DMD: variants seen among roughly 807,000 people sequenced by gnomAD.
DMD encodes the protein dystrophin, also known as mutant dystrophin.
A neutral mutation model predicts 330.1 loss-of-function variants in DMD; 63 were observed. That is an observed-to-expected ratio of 0.19 (90% confidence interval 0.16 to 0.24). DMD has a LOEUF of 0.24. Ranked by LOEUF, DMD falls within the 10% of genes least tolerant of loss-of-function variation. The pLI is 1.00. For missense variants in DMD, 3,344 were observed against 2,684.1 expected (o/e 1.25, Z -5.43); for synonymous variants, 1,223 against 959.8 (o/e 1.27, Z -5.07).
rs148676378 is a variant in DMD, at chrX:32,050,238, T to G, written c.6439-81724A>C. ...TTCAAATTTGAGCATGGATTATGTT[T>G]TTTTTCTGCCTATATCAAATAGTAT... On this transcript the variant is annotated intron_variant, in intron 44 of 78. Transcript: ENST00000357033. Among the ~76,000 whole-genome samples the G allele has an allele frequency of 8.8e-3, 976 of 111,199 alleles. 10 individuals carry two copies. Among genetic ancestry groups the G allele is most frequent in the African/African-American group, 0.027 (837 of 30,654 alleles).
intron 44 of DMD, among the ~76,000 whole-genome samples, chrX:32,152,742 G>A (rs1392020625): frequency 9.0e-6 from 1 of 111,703 alleles, no homozygotes; most frequent in Non-Finnish European, 1.9e-5. Flanking sequence ...CAAGGGAAAA[G>A]AAAATAGTTT....
intron 59 of DMD, among the ~76,000 whole-genome samples, chrX:31,459,389 G>T (rs1356310010): frequency 8.9e-6 from 1 of 112,161 alleles, no homozygotes; most frequent in East Asian, 2.8e-4. Context: ...TCAATGTATT[G>T]CCAAAGACTC....
chrX:31,828,316 G>A (rs2092934778), intron 49 of DMD, among the ~76,000 whole-genome samples: 1 of 111,385 alleles, frequency 9.0e-6, no homozygotes, highest in African/African-American at 3.3e-5. Context: ...AGAGGAAATG[G>A]ATACATTCCT....
intron 41 of DMD, among the ~76,000 whole-genome samples, chrX:32,337,877 G>A (rs955913710): frequency 1.8e-5 from 2 of 111,061 alleles, no homozygotes; most frequent in Admixed American, 9.6e-5. Context: ...TTTAATAAAT[G>A]TTCTTATTTA....
chrX:31,451,672 G>A (rs1192509512), intron 59 of DMD, among the ~76,000 whole-genome samples: 1 of 110,895 alleles, frequency 9.0e-6, no homozygotes, highest in Non-Finnish European at 1.9e-5. Flanking sequence ...ACCCTTTCTC[G>A]AAAGTTGAGT....
intron 44 of DMD, among the ~76,000 whole-genome samples, chrX:32,066,330 A>G (rs1317784613): frequency 9.0e-6 from 1 of 111,578 alleles, no homozygotes; most frequent in African/African-American, 3.3e-5. Flanking sequence ...GACTGGAAGA[A>G]AGAGCAGAAG....
At chrX:31,576,276 T>G (rs1380739512) in intron 55 of DMD, among the ~76,000 whole-genome samples, 1 of 111,931 alleles carries the variant, frequency 8.9e-6, no homozygotes, top group African/African-American at 3.2e-5. Context: ...CTAAGTCTTA[T>G]GGTAGGCAAG....
chrX:32,215,113 G>C (rs2097107614), intron 44 of DMD, among the ~76,000 whole-genome samples: 1 of 111,216 alleles, frequency 9.0e-6, no homozygotes, highest in African/African-American at 3.3e-5. Flanking sequence ...TATACTACAT[G>C]GGATTAGCCA....
intron 11 of DMD, among the ~76,000 whole-genome samples, chrX:32,623,485 T>C (rs931797949): frequency 1.8e-5 from 2 of 111,264 alleles, no homozygotes; most frequent in Admixed American, 1.9e-4. Flanking sequence ...TATTCAACTT[T>C]TTTTAACATA....
intron 2 of DMD, among the ~76,000 whole-genome samples, chrX:33,010,749 T>A (rs2093686836): frequency 9.0e-6 from 1 of 110,942 alleles, no homozygotes; most frequent in South Asian, 3.8e-4. Flanking sequence ...AAAAAGGTCA[T>A]TCCCCTTTGA....
intron 9 of DMD, among the ~76,000 whole-genome samples, chrX:32,649,662 A>T (rs911086644): frequency 9.1e-6 from 1 of 109,341 alleles, no homozygotes; most frequent in Non-Finnish European, 1.9e-5. Context: ...GTCTAGAAAA[A>T]TCTCTAGACA....
intron 17 of DMD, among the ~76,000 whole-genome samples, chrX:32,539,442 T>A (rs990231744): frequency 9.0e-6 from 1 of 111,016 alleles, no homozygotes; most frequent in African/African-American, 3.3e-5. Context: ...TTCTATGGGC[T>A]GTGCCAATAG....
chrX:32,592,400 A>G (rs895040913), intron 13 of DMD, among the ~76,000 whole-genome samples: 1 of 111,006 alleles, frequency 9.0e-6, no homozygotes, highest in East Asian at 2.9e-4. Context: ...GGAGCTACCT[A>G]CTTTGTGTCT....
intron 74 of DMD, among the ~76,000 whole-genome samples, chrX:31,163,479 C>G (rs1468360550): frequency 8.9e-6 from 1 of 111,914 alleles, no homozygotes; most frequent in Non-Finnish European, 1.9e-5. Flanking sequence ...CACCAAGTAA[C>G]TTGAATGCCT....
At chrX:31,998,159 G>A (rs1196452172) in intron 44 of DMD, among the ~76,000 whole-genome samples, 2 of 111,549 alleles carry the variant, frequency 1.8e-5, no homozygotes, top group South Asian at 3.7e-4. Context: ...AGGAAGAAAC[G>A]TATAAATCAG....
intron 44 of DMD, among the ~76,000 whole-genome samples, chrX:32,208,505 C>T (rs2097080532): frequency 9.0e-6 from 1 of 111,326 alleles, no homozygotes; most frequent in Admixed American, 9.6e-5. Context: ...TTCCCAAAGT[C>T]AGGTTTTCCC....
intron 43 of DMD, among the ~76,000 whole-genome samples, chrX:32,275,743 G>A (rs331342): frequency 0.38 from 41,720 of 109,772 alleles, 5,812 homozygotes; most frequent in South Asian, 0.47. Flanking sequence ...GTAAAAACCA[G>A]AACAGAACAT....
chrX:31,721,688 C>CCA (rs1569292569), intron 52 of DMD, among the ~76,000 whole-genome samples: 11,630 of 49,736 alleles, frequency 0.23, 844 homozygotes, highest in Admixed American at 0.44. Flanking sequence ...CTCTCTCACT[C>CCA]TCTCTCTCTC....
chrX:31,512,767 G>A (rs1959420951), intron 55 of DMD, among the ~76,000 whole-genome samples: 1 of 111,582 alleles, frequency 9.0e-6, no homozygotes, highest in South Asian at 3.8e-4. Flanking sequence ...GTCAGCTAGT[G>A]TGATGCCTCC....
Sources: allele counts gnomAD v4.1 joint callset (sites outside exome capture counted in the v4.1 genomes callset), GRCh38; gene constraint gnomAD v4.1.1; transcripts MANE v1.5; gene names NCBI Gene and HGNC (gene_info 2026-07-23, HGNC 2026-07-21).